ADAM2: variants seen among roughly 807,000 people sequenced by gnomAD.
ADAM2 encodes disintegrin and metalloproteinase domain-containing protein 2.
ADAM2 carries 101 observed loss-of-function variants against 99.3 expected under a neutral mutation model. The observed-to-expected ratio is 1.02, with a 90% CI of 0.87 to 1.20. The LOEUF is 1.20. Ranked by LOEUF, ADAM2 falls within the 50% of genes most tolerant of loss-of-function variation. The pLI, the probability that ADAM2 is intolerant of heterozygous loss-of-function variation, is 0.00. For synonymous variants in ADAM2, 323 were observed against 287.6 expected (o/e 1.12, Z -1.25); for missense variants, 948 against 878.7 (o/e 1.08, Z -1.00).
chr8:39,800,843 GA>G (rs1263263189), intron 7 of ADAM2, among the ~76,000 whole-genome samples: 1 of 152,014 alleles, frequency 6.6e-6, no homozygotes, highest in Non-Finnish European at 1.5e-5. Context: ...TATGCTTCAC[GA>G]AGTTCTCGTG....
chr8:39,821,769 A>C, intron 4 of ADAM2, 107 bp from the exon 5 acceptor site: 35 of 736,574 alleles, frequency 4.8e-5, no homozygotes, highest in East Asian at 1.1e-4. Flanking sequence ...TCAAACACTC[A>C]TGTTTCAAAA....
chr8:39,755,838 T>C lies in ADAM2; in HGVS notation c.1687A>G (p.Ile563Val), dbSNP rs1802127064. Reference sequence around the variant, plus strand: ...AGATGTCCACTTATGTTGGCATAAATAATAGTGGCTCTTGGAATTTGTAAT... The same window carrying C: ...AGATGTCCACTTATGTTGGCATAAACAATAGTGGCTCTTGGAATTTGTAAT... The part of the protein sequence containing the change: ...FLLQIPRATI[I>V]YANISGHLCI... The change falls in exon 16 of 21, where the codon ATT becomes GTT. Residue 563 changes from isoleucine (I) to valine (V), a missense_variant. Coordinates refer to ENST00000265708, the MANE Select transcript of ADAM2 (RefSeq NM_001464.5). 11 of 1,605,544 alleles carry C rather than the reference T, an allele frequency of 6.9e-6. No individual in the cohort carries two copies. Among genetic ancestry groups the C allele is most frequent in the Non-Finnish European group, 9.4e-6 (11 of 1,172,642 alleles).
At chr8:39,802,073 G>A (rs1012644967) in intron 7 of ADAM2, among the ~76,000 whole-genome samples, 1 of 152,200 alleles carries the variant, frequency 6.6e-6, no homozygotes, top group African/African-American at 2.4e-5. Context: ...CAGCTGAGAG[G>A]CTATAAGAAT....
intron 10 of ADAM2, among the ~76,000 whole-genome samples, chr8:39,784,531 G>T (rs766347226): frequency 6.6e-6 from 1 of 152,052 alleles, no homozygotes; most frequent in Non-Finnish European, 1.5e-5. Context: ...ACCATGCCTG[G>T]CGAATATTTA....
chr8:39,767,378 A>G (rs781325621), intron 12 of ADAM2, 127 bp from the exon 13 acceptor site: 285 of 792,516 alleles, frequency 3.6e-4, no homozygotes, highest in Middle Eastern at 5.3e-4. Flanking sequence ...GGCAAACAGA[A>G]AAATAAAACC....
intron 4 of ADAM2, among the ~76,000 whole-genome samples, chr8:39,824,566 C>T (rs1329686619): frequency 3.3e-5 from 5 of 152,250 alleles, no homozygotes; most frequent in South Asian, 2.1e-4. Flanking sequence ...TATTTAGTCC[C>T]TATCACCTCA....
Position 39,769,527 on chromosome 8 carries a change from A to T in ADAM2, c.1077T>A (p.Phe359Leu), listed in dbSNP as rs755707096. The change falls in exon 12 of 21, where the codon TTT (phenylalanine) becomes TTA (leucine). Residue 359 changes from phenylalanine (F) to leucine (L), a missense_variant. By Grantham distance (22) the Phe-to-Leu change is conservative. Coordinates refer to ENST00000265708, the MANE Select transcript of ADAM2 (RefSeq NM_001464.5). ...KIFSNCSFED[F>L]AHFISKQKSQ... ...ACTTCTGCTTTGAAATAAAATGTGC[A>T]AAGTCTTCGAAGCTGCAGTTACTAA... 6.2e-7 allele frequency: 1 copy of T among 1,613,922 alleles called. No individual in the cohort carries two copies. The highest frequency in any genetic ancestry group is 8.5e-7 in the Non-Finnish European group (1 of 1,179,822).
rs1802586099 is a variant in ADAM2, at chr8:39,766,888, A to G, written c.1467T>C (p.Cys489=). ...CTGTACATTGTTTATCCCCACTCATACAAACTCCATCTATACAGATCCATT... is the reference window on the plus strand; with the variant it reads ...CTGTACATTGTTTATCCCCACTCATGCAAACTCCATCTATACAGATCCATT... ...LNQWICIDGV[C]MSGDKQCTDT... The change falls in exon 14 of 21, where the codon TGT becomes TGC. Residue 489 remains cysteine (C), a synonymous_variant. Transcript: ENST00000265708. The G allele has an allele frequency of 6.2e-7, 1 of 1,611,972 alleles. No individual in the cohort carries two copies. Among genetic ancestry groups the G allele is most frequent in the Non-Finnish European group, 8.5e-7 (1 of 1,178,446 alleles).
chr8:39,821,389 C>G (rs973515763), intron 5 of ADAM2, among the ~76,000 whole-genome samples, 197 bp downstream of exon 5: 4 of 152,072 alleles, frequency 2.6e-5, no homozygotes, highest in Admixed American at 6.6e-5. Flanking sequence ...TTCATGGCTT[C>G]CAAATATATT....
intron 15 of ADAM2, among the ~76,000 whole-genome samples, chr8:39,759,299 G>T (rs1248743982): frequency 6.6e-6 from 1 of 151,640 alleles, no homozygotes; most frequent in East Asian, 1.9e-4. Flanking sequence ...AAATTTCAAA[G>T]AAACCTAAAT....
chr8:39,799,527 AG>A (rs1761117880), intron 7 of ADAM2, among the ~76,000 whole-genome samples: 25 of 152,154 alleles, frequency 1.6e-4, no homozygotes, highest in Admixed American at 1.6e-3. Flanking sequence ...TAGGGTAGAG[AG>A]TTCTGTAGAC....
In ADAM2 at chr8:39,755,915, T is replaced by C; in HGVS notation, c.1614-4A>G. 1 of 1,386,270 alleles carries C rather than the reference T, an allele frequency of 7.2e-7. No homozygotes were observed. The allele number at this position is 1,386,270 out of a possible 1,614,324, so 85.9% of individuals were successfully genotyped here. A position where few individuals can be genotyped will look rare whatever the true frequency, so the allele number is the denominator to read the frequency against. On this transcript the variant is annotated splice_region_variant and splice_polypyrimidine_tract_variant and intron_variant, in intron 15 of 20. Transcript: ENST00000265708. Reference sequence around the variant, plus strand: ...TAATTTTCCGCACTGCAGATTGCTATAATTTATCCACAAATAAAAATTATT... The same window carrying C: ...TAATTTTCCGCACTGCAGATTGCTACAATTTATCCACAAATAAAAATTATT...
chr8:39,814,789 G>A (rs1804870836), intron 6 of ADAM2, among the ~76,000 whole-genome samples: 1 of 151,570 alleles, frequency 6.6e-6, no homozygotes, highest in African/African-American at 2.4e-5. Flanking sequence ...GACTGGGACT[G>A]AATATCTGTA....
chr8:39,749,886 T>A, intron 16 of ADAM2, 142 bp from the exon 17 acceptor site: 2 of 569,274 alleles, frequency 3.5e-6, no homozygotes, highest in Non-Finnish European at 6.3e-6. Context: ...ATACTAACAA[T>A]GAATAGTTAA....
chr8:39,749,216 C>A (rs1823600317), intron 18 of ADAM2, 96 bp downstream of exon 18: 2 of 1,110,694 alleles, frequency 1.8e-6, no homozygotes, highest in Admixed American at 2.4e-5. Flanking sequence ...TAAACATAGT[C>A]TAGATATAAA....
At chr8:39,751,806 A>G (rs1801958636) in intron 16 of ADAM2, among the ~76,000 whole-genome samples, 1 of 152,156 alleles carries the variant, frequency 6.6e-6, no homozygotes, top group Non-Finnish European at 1.5e-5. Context: ...TGTAGGAACT[A>G]AAATGCTAAA....
At chr8:39,801,856 C>A (rs1431536933) in intron 7 of ADAM2, among the ~76,000 whole-genome samples, 3 of 152,176 alleles carry the variant, frequency 2.0e-5, no homozygotes, top group Admixed American at 6.5e-5. Context: ...AGCCATCCAG[C>A]CTTCCTGGTT....
Position 39,812,064 on chromosome 8 carries a change from A to C in ADAM2, c.514-2598T>G, listed in dbSNP as rs1031623363. On this transcript the variant is annotated intron_variant, in intron 6 of 20. Coordinates refer to ENST00000265708, the MANE Select transcript of ADAM2 (RefSeq NM_001464.5). ...AGCCTAAAATCTCCTTAAGCTGATA[A>C]GCAACTTCAGCAAAGTCTCAGGATA... is the stretch of plus-strand genomic sequence containing the variant. Among the ~76,000 whole-genome samples the C allele has an allele frequency of 2.6e-5, 4 of 152,236 alleles. No homozygotes were observed. In the South Asian group the frequency reaches 8.3e-4, roughly 32 times the overall value.
intron 10 of ADAM2, among the ~76,000 whole-genome samples, chr8:39,785,168 C>T (rs1803411400): frequency 6.6e-6 from 1 of 152,164 alleles, no homozygotes; most frequent in South Asian, 2.1e-4. Context: ...TCTTCTAGAA[C>T]CCCTTATAGT....
Sources: gnomAD v4.1 joint callset for allele counts (sites outside exome capture counted in the v4.1 genomes callset) on GRCh38, gnomAD v4.1.1 for gene constraint, MANE v1.5 for transcripts, NCBI Gene and HGNC (gene_info 2026-07-23, HGNC 2026-07-21) for gene names.